DST: variants seen among roughly 807,000 people sequenced by gnomAD.
DST encodes dystonin.
In DST, 253 loss-of-function variants were observed where a neutral mutation model predicts 875.2. The ratio of observed to expected loss-of-function variants is 0.29; its 90% CI spans 0.26 to 0.32. DST has a LOEUF of 0.32. Among genes scored for constraint, DST ranks in the 10% least tolerant of loss-of-function variants. DST has a pLI of 1.00. For synonymous variants in DST, 3,124 were observed against 3,197.1 expected (o/e 0.98, Z 0.77); for missense variants, 8,287 against 9,111.6 (o/e 0.91, Z 3.68).
intron 5 of DST, among the ~76,000 whole-genome samples, chr6:56,729,045 A>G (rs943827253): frequency 2.0e-5 from 3 of 151,952 alleles, no homozygotes; most frequent in African/African-American, 4.8e-5. Context: ...AAAGCAAACT[A>G]GGTAAAACAT....
chr6:56,601,710 A>G (rs2098447782), intron 43 of DST, 34 bp from the exon 44 acceptor site: 1 of 1,260,632 alleles, frequency 7.9e-7, no homozygotes, highest in Non-Finnish European at 1.1e-6. Flanking sequence ...ATCAGTAGAA[A>G]GTTAAGCCAT....
chr6:56,954,686 G>A lies in DST; in HGVS notation c.-99C>T, dbSNP rs1299748206. 3.1e-5 allele frequency: 23 copies of A among 752,248 alleles called. No homozygotes were observed. The highest frequency in any genetic ancestry group is 3.6e-5 in the Non-Finnish European group (22 of 603,860). The allele number at this position is 752,248 out of a possible 1,614,324, so 46.6% of individuals were successfully genotyped here. On this transcript the variant is annotated 5_prime_UTR_variant, in exon 1 of 104. Coordinates refer to ENST00000680361, the MANE Select transcript of DST (RefSeq NM_001374736.1). ...GCCGGGACGGCGGGCACGGGTGAGC[G>A]CGGCTCAGCGCGTCATGCCTGGCGC... is the stretch of plus-strand genomic sequence containing the variant.
Position 56,942,706 on chromosome 6 carries a change from C to CTT in DST, c.216+11077_216+11078dup, listed in dbSNP as rs67354752. Among the ~76,000 whole-genome samples, 16 of 66,002 alleles carry CTT rather than the reference C, an allele frequency of 2.4e-4. No individual in the cohort carries two copies. In the East Asian group the frequency reaches 3.9e-3, roughly 16 times the overall value. 43.3% of individuals were successfully genotyped at this position (66,002 alleles called of 152,430 possible). On this transcript the variant is annotated intron_variant, in intron 2 of 103. Transcript: ENST00000680361. Reference sequence around the variant, plus strand: ...ATTTACTCTAATATTTGCCATTTCTCTTTTTTTTTTTTTTTTTTTTTTTTT... The same window carrying CTT: ...ATTTACTCTAATATTTGCCATTTCTCTTTTTTTTTTTTTTTTTTTTTTTTTTT...
chr6:56,938,086 C>T (rs1436338693), intron 2 of DST, among the ~76,000 whole-genome samples: 56 of 58,332 alleles, frequency 9.6e-4, no homozygotes, highest in African/African-American at 4.1e-3. Context: ...CTCTCTTTCT[C>T]TCTCTCTCTC....
At chr6:56,487,342 A>T (rs1255903946) in intron 86 of DST, 69 bp from the exon 87 acceptor site, 2 of 1,317,916 alleles carry the variant, frequency 1.5e-6, no homozygotes, top group African/African-American at 2.9e-5. Context: ...AGGCATTAAC[A>T]GAGGCATCCC....
chr6:56,660,172 G>T (rs981983233), intron 10 of DST, among the ~76,000 whole-genome samples: 65 of 152,172 alleles, frequency 4.3e-4, no homozygotes, highest in Admixed American at 4.3e-3. Flanking sequence ...AAGTTCTAAT[G>T]AAATCAATCT....
intron 5 of DST, among the ~76,000 whole-genome samples, chr6:56,730,437 T>C (rs1286359975): frequency 6.6e-6 from 1 of 152,090 alleles, no homozygotes; most frequent in Non-Finnish European, 1.5e-5. Context: ...TCTCATATTG[T>C]TGTCCTATGA....
rs763706326 is a variant in DST at position 56,472,107 on chromosome 6, C to T, written c.22110G>A (p.Ala7370=). 19 of 1,613,832 alleles carry T rather than the reference C, an allele frequency of 1.2e-5. No individual in the cohort carries two copies. The highest frequency in any genetic ancestry group is 2.2e-5 in the East Asian group (1 of 44,896). ...CATTGAGTTTCCTCCTTCTTTCCAA[C>T]GCCAGGAGCCAGACTTGCTGCCATT... ...VSKWQQVWLL[A]LERRRKLNDA... is the part of the protein sequence containing the mutation. The change falls in exon 94 of 104, where the codon GCG becomes GCA. Residue 7370 remains alanine (A), a synonymous_variant. Transcript: ENST00000680361.
At chr6:56,579,466 A>C (rs1287053729) in intron 49 of DST, among the ~76,000 whole-genome samples, 1 of 152,238 alleles carries the variant, frequency 6.6e-6, no homozygotes, top group African/African-American at 2.4e-5. Context: ...CAAAAATAAA[A>C]ACAGACACAA....
At chr6:56,687,347 T>C (rs543792336) in intron 9 of DST, among the ~76,000 whole-genome samples, 28 of 152,302 alleles carry the variant, frequency 1.8e-4, no homozygotes, top group East Asian at 7.7e-4. Context: ...AGTTTCATTA[T>C]TGCAAGAGTA....
rs541022082 is a variant in DST, at chr6:56,724,217, A to T, written c.687+11011T>A. Among the ~76,000 whole-genome samples the T allele has an allele frequency of 3.3e-5, 5 of 152,332 alleles. No homozygotes were observed. The South Asian group carries it at 1.0e-3, about 32-fold the overall frequency. On this transcript the variant is annotated intron_variant, in intron 5 of 103. Transcript: ENST00000680361. ...GTTTAAGACATTTGGGAACAATAACAAACTATGAGGTAAAAGAAAGGATAA... is the reference window on the plus strand; with the variant it reads ...GTTTAAGACATTTGGGAACAATAACTAACTATGAGGTAAAAGAAAGGATAA...
chr6:56,819,508 A>G (rs2099770503), intron 4 of DST, among the ~76,000 whole-genome samples: 3 of 152,214 alleles, frequency 2.0e-5, no homozygotes, highest in Admixed American at 6.5e-5. Context: ...AATTAGGAAA[A>G]AAGTAATTTA....
intron 10 of DST, among the ~76,000 whole-genome samples, chr6:56,655,078 T>C (rs928836562): frequency 3.4e-5 from 5 of 145,492 alleles, no homozygotes; most frequent in African/African-American, 1.3e-4. Flanking sequence ...GGAGAATCAC[T>C]GGAACCCAGG....
At chr6:56,717,697 T>C (rs2099400164) in intron 5 of DST, among the ~76,000 whole-genome samples, 1 of 151,890 alleles carries the variant, frequency 6.6e-6, no homozygotes, top group Admixed American at 6.6e-5. Context: ...AATTACTATT[T>C]TGGCTCCACC....
chr6:56,898,918 G>A (rs1186873427), intron 3 of DST, among the ~76,000 whole-genome samples: 1 of 152,158 alleles, frequency 6.6e-6, no homozygotes, highest in Non-Finnish European at 1.5e-5. Flanking sequence ...TTTCATGTCT[G>A]TTGATTGACT....
intron 27 of DST, 126 bp from the exon 28 acceptor site, chr6:56,633,163 TTAAC>T (rs915703311): frequency 1.3e-6 from 1 of 778,028 alleles, no homozygotes; most frequent in Non-Finnish European, 2.2e-6. Context: ...ACATTTGAAA[TTAAC>T]TGTCTTTTTC....
intron 4 of DST, among the ~76,000 whole-genome samples, chr6:56,744,149 C>CAAA (rs1197086753): frequency 1.7e-5 from 1 of 58,496 alleles, no homozygotes; most frequent in African/African-American, 6.5e-5. Context: ...AACTCTGTCT[C>CAAA]AAAAAAAAAA....
chr6:56,469,241 ATTT>A (rs1241309759), intron 97 of DST, among the ~76,000 whole-genome samples: 2 of 150,748 alleles, frequency 1.3e-5, no homozygotes, highest in Non-Finnish European at 2.9e-5. Flanking sequence ...ATTGATGATT[ATTT>A]TTTTAAGTAT....
intron 4 of DST, among the ~76,000 whole-genome samples, chr6:56,764,991 G>GAGGAAGGA (rs1277792999): frequency 5.1e-5 from 5 of 98,698 alleles, no homozygotes; most frequent in African/African-American, 1.8e-4. Flanking sequence ...GGGAGGGAGG[G>GAGGAAGGA]AGGGAGGAAG....
Sources: gnomAD v4.1 joint callset for allele counts (sites outside exome capture counted in the v4.1 genomes callset) on GRCh38, gnomAD v4.1.1 for gene constraint, MANE v1.5 for transcripts, NCBI Gene and HGNC (gene_info 2026-07-23, HGNC 2026-07-21) for gene names.